Variants in TENM2 observed in about 807,000 individuals in gnomAD.
The protein encoded by TENM2 is teneurin transmembrane protein 2.
A neutral mutation model predicts 245.2 loss-of-function variants in TENM2; 52 were observed. The observed-to-expected ratio is 0.21, with a 90% CI of 0.17 to 0.27. The LOEUF is 0.27. Ranked by LOEUF, TENM2 falls within the 10% of genes least tolerant of loss-of-function variation. The probability of loss-of-function intolerance (pLI) is 1.00; values close to 1 mark genes in which losing one functional copy is unlikely to be tolerated. For missense variants in TENM2, 3,046 were observed against 3,666.8 expected (o/e 0.83, Z 4.37); for synonymous variants, 1,363 against 1,438.9 (o/e 0.95, Z 1.19).
At chr5:167,732,338 A>G (rs546752760) in intron 2 of TENM2, among the ~76,000 whole-genome samples, 1 of 152,290 alleles carries the variant, frequency 6.6e-6, no homozygotes, top group South Asian at 2.1e-4. Context: ...GTCCCTTGTG[A>G]ATGCAATGTC....
chr5:167,975,452 ATTT>A (rs34381656), intron 4 of TENM2, among the ~76,000 whole-genome samples: 1 of 144,496 alleles, frequency 6.9e-6, no homozygotes, highest in African/African-American at 2.5e-5. Flanking sequence ...TCTTAGTGGC[ATTT>A]TTTTTTTTTT....
intron 1 of TENM2, among the ~76,000 whole-genome samples, chr5:167,312,583 T>C (rs1317571493): frequency 6.6e-6 from 1 of 152,030 alleles, no homozygotes; most frequent in Non-Finnish European, 1.5e-5. Context: ...GGCTGTATCA[T>C]GATATGAGAA....
At chr5:167,636,235 G>C (rs998334690) in intron 2 of TENM2, among the ~76,000 whole-genome samples, 1 of 152,072 alleles carries the variant, frequency 6.6e-6, no homozygotes, top group Non-Finnish European at 1.5e-5. Context: ...TTAATAATTA[G>C]ATTTAAGAGG....
chr5:167,229,182 G>A, the TENM2 span, among the ~76,000 whole-genome samples: 2 of 152,228 alleles, frequency 1.3e-5, no homozygotes, highest in African/African-American at 4.8e-5. Flanking sequence ...TGGTGACTTA[G>A]GGTATAGTTA....
At chr5:167,215,294 G>A in the TENM2 span, among the ~76,000 whole-genome samples, 1 of 152,154 alleles carries the variant, frequency 6.6e-6, no homozygotes, top group Non-Finnish European at 1.5e-5. Flanking sequence ...TAATTGGTGT[G>A]GGGCAGGATG....
chr5:167,667,957 C>G (rs1323510264), intron 2 of TENM2, among the ~76,000 whole-genome samples: 1 of 152,214 alleles, frequency 6.6e-6, no homozygotes, highest in Non-Finnish European at 1.5e-5. Flanking sequence ...CAGTAAAGAA[C>G]TCTTCATTTT....
chr5:167,348,239 C>A (rs745454450), intron 1 of TENM2, among the ~76,000 whole-genome samples: 1 of 152,182 alleles, frequency 6.6e-6, no homozygotes, highest in Non-Finnish European at 1.5e-5. Context: ...CGAATTGCAG[C>A]TCTGTTTGGG....
chr5:168,222,434 G>A (rs1392584546), intron 23 of TENM2, among the ~76,000 whole-genome samples: 1 of 152,194 alleles, frequency 6.6e-6, no homozygotes, highest in Non-Finnish European at 1.5e-5. Context: ...AGGGGCAAAT[G>A]TCAGATCAAA....
At chr5:167,867,566 T>A (rs1331490903) in intron 2 of TENM2, among the ~76,000 whole-genome samples, 1 of 152,216 alleles carries the variant, frequency 6.6e-6, no homozygotes, top group East Asian at 1.9e-4. Flanking sequence ...AAGAAAATGC[T>A]TAACTGGGCT....
At chr5:167,034,651 A>AC in the TENM2 span, among the ~76,000 whole-genome samples, 1 of 150,242 alleles carries the variant, frequency 6.7e-6, no homozygotes, top group Non-Finnish European at 1.5e-5. Context: ...AAAAAAAAAA[A>AC]AAGAAAATAT....
chr5:167,794,558 A>G (rs1765194291), intron 2 of TENM2, among the ~76,000 whole-genome samples: 1 of 152,194 alleles, frequency 6.6e-6, no homozygotes, highest in Non-Finnish European at 1.5e-5. Flanking sequence ...GGTGTATATG[A>G]CAAGGGTCAA....
the TENM2 span, among the ~76,000 whole-genome samples, chr5:167,040,391 G>A: frequency 6.6e-6 from 1 of 152,210 alleles, no homozygotes. Context: ...GTCCCCAGGT[G>A]AGCTGTGTGG....
Position 168,152,831 on chromosome 5 carries a change from G to A in TENM2, c.2423-9780G>A, listed in dbSNP as rs150232940. 3.3e-4 allele frequency among the ~76,000 whole-genome samples: 51 copies of A among 152,260 alleles called. 1 individual carries two copies. Among genetic ancestry groups the A allele is most frequent in the African/African-American group, 1.2e-3 (51 of 41,548 alleles). On this transcript the variant is annotated intron_variant, in intron 12 of 28. Coordinates refer to ENST00000518659, the Ensembl canonical transcript of TENM2. ...CAGAGGTATCTGCTTCTTACAAGTT[G>A]AAAGGCACAAACCCACATCCGCATT...
intron 2 of TENM2, among the ~76,000 whole-genome samples, chr5:167,738,455 G>A (rs760766892): frequency 2.0e-5 from 3 of 152,180 alleles, no homozygotes; most frequent in Non-Finnish European, 4.4e-5. Flanking sequence ...TTTGTTGGAT[G>A]TCTGTCCCCC....
chr5:168,199,990 A>T lies in TENM2; in HGVS notation c.3289A>T (p.Ile1097Phe), dbSNP rs777669148. 8.3e-5 allele frequency: 134 copies of T among 1,613,596 alleles called. No individual in the cohort carries two copies. Among genetic ancestry groups the T allele is most frequent in the Non-Finnish European group, 1.1e-4 (130 of 1,179,618 alleles). ...CCAGTCCACAGTGCCCCTGAACCTCATTAGGGTTCACCTGATGGTGGCTGT... is the reference window on the plus strand; with the variant it reads ...CCAGTCCACAGTGCCCCTGAACCTCTTTAGGGTTCACCTGATGGTGGCTGT... The change falls in exon 17 of 29, where the codon ATT becomes TTT. Residue 1097 changes from isoleucine (I) to phenylalanine (F), a missense_variant. This residue lies in a region of TENM2 where 2,704 missense variants were observed against 3,331.9 expected (regional missense o/e 0.81). Transcript: ENST00000518659.
At chr5:167,351,021 ATG>A (rs1254691280) in intron 1 of TENM2, among the ~76,000 whole-genome samples, 4 of 104,684 alleles carry the variant, frequency 3.8e-5, no homozygotes, top group Non-Finnish European at 6.1e-5. Flanking sequence ...ATATATATAT[ATG>A]GGATATATAC....
At chr5:167,341,409 T>G (rs745918545) in intron 1 of TENM2, among the ~76,000 whole-genome samples, 1 of 152,192 alleles carries the variant, frequency 6.6e-6, no homozygotes, top group African/African-American at 2.4e-5. Context: ...TTTGTTTACT[T>G]ATTTTATGTT....
chr5:167,184,455 G>T, the TENM2 span, among the ~76,000 whole-genome samples: 1 of 152,156 alleles, frequency 6.6e-6, no homozygotes, highest in South Asian at 2.1e-4. Context: ...AAAAGTTTTT[G>T]TTTTTGTTTT....
intron 2 of TENM2, among the ~76,000 whole-genome samples, chr5:167,681,606 A>G (rs1310264075): frequency 7.2e-6 from 1 of 139,218 alleles, no homozygotes; most frequent in African/African-American, 2.8e-5. Context: ...ATACATCCAT[A>G]TTCTAGCTAT....
Sources: gnomAD v4.1 joint callset for allele counts (sites outside exome capture counted in the v4.1 genomes callset) on GRCh38, gnomAD v4.1.1 for gene constraint, gnomAD v4.1.1 regional missense constraint, MANE v1.5 for transcripts, NCBI Gene and HGNC (gene_info 2026-07-23, HGNC 2026-07-21) for gene names.